The following ZNF274 variants were observed in gnomAD, a reference collection of about 807,000 sequenced individuals.
ZNF274 encodes the protein neurotrophin receptor-interacting factor homolog.
ZNF274 carries 23 observed loss-of-function variants against 42.5 expected under a neutral mutation model. The ratio of observed to expected loss-of-function variants is 0.54; its 90% CI spans 0.39 to 0.77. The LOEUF is 0.77. Among genes scored for constraint, ZNF274 ranks in the 30% least tolerant of loss-of-function variants. The pLI is 0.00. For missense variants in ZNF274, 679 were observed against 806.5 expected, an observed-to-expected ratio of 0.84 and a Z score of 1.91; for synonymous variants, 292 against 305.4, an observed-to-expected ratio of 0.96 and a Z score of 0.46.
At chr19:58,188,714 A>ATATATATG (rs1555816935) in intron 4 of ZNF274, among the ~76,000 whole-genome samples, 2,175 of 127,540 alleles carry the variant, frequency 0.017, 52 homozygotes, top group Middle Eastern at 0.033. Context: ...ATATATATAT[A>ATATATATG]TATATATATA....
intron 4 of ZNF274, among the ~76,000 whole-genome samples, chr19:58,193,776 A>G (rs542038275): frequency 1.3e-5 from 2 of 152,134 alleles, no homozygotes; most frequent in South Asian, 4.2e-4. Context: ...AATAAAAATA[A>G]TAAGCCAGAT....
chr19:58,187,069 A>T lies in ZNF274; in HGVS notation c.256+27A>T, dbSNP rs1429382799. The T allele has an allele frequency of 2.5e-6, 4 of 1,586,434 alleles. No individual in the cohort carries two copies. In the Admixed American group the frequency reaches 7.0e-5, roughly 28 times the overall value. On this transcript the variant is annotated intron_variant, in intron 4 of 7. Coordinates refer to ENST00000617501, the MANE Select transcript of ZNF274 (RefSeq NM_133502.3). ...TGAGAACCAGACATGGGAAGCCCCC[A>T]CAGGGAAGGGGCCAACTGATGAGTC...
At chr19:58,190,817 T>C (rs1034717283) in intron 4 of ZNF274, among the ~76,000 whole-genome samples, 24 of 152,226 alleles carry the variant, frequency 1.6e-4, no homozygotes, top group African/African-American at 5.8e-4. Context: ...GCATCAGAAC[T>C]GCCCACTTCT....
intron 4 of ZNF274, among the ~76,000 whole-genome samples, chr19:58,198,014 A>G (rs2075863782): frequency 6.6e-6 from 1 of 152,222 alleles, no homozygotes; most frequent in Non-Finnish European, 1.5e-5. Context: ...TTAAGTAGTA[A>G]TTAAGAAGGA....
intron 2 of ZNF274, 86 bp from the exon 3 acceptor site, chr19:58,185,626 C>G (rs1231287720): frequency 1.5e-6 from 2 of 1,340,482 alleles, no homozygotes; most frequent in Non-Finnish European, 1.9e-6. Context: ...CCATTCTGTG[C>G]TTTCACTGGC....
intron 4 of ZNF274, among the ~76,000 whole-genome samples, chr19:58,198,799 A>C (rs1353165479): frequency 6.8e-6 from 1 of 146,662 alleles, no homozygotes; most frequent in East Asian, 2.0e-4. Flanking sequence ...TATTAAAATT[A>C]ACTTTGACTT....
At chr19:58,189,093 T>C (rs113405532) in intron 4 of ZNF274, among the ~76,000 whole-genome samples, 2,233 of 152,220 alleles carry the variant, frequency 0.015, 36 homozygotes, top group Non-Finnish European at 0.022. Context: ...CCTGTTTGTA[T>C]TTTTTCTTTT....
In ZNF274 at chr19:58,212,288, T is replaced by C. The variant is rs1403102580; in HGVS notation, c.1107T>C (p.Asp369=). The C allele has an allele frequency of 4.3e-6, 7 of 1,613,998 alleles. No homozygotes were observed. Among genetic ancestry groups the C allele is most frequent in the Non-Finnish European group, 5.9e-6 (7 of 1,179,892 alleles). ...GTGCCTTGTCCTCTACATTAGAAGA[T>C]ACCTTGCAGGGTGGGGTCCAGGAAG... ...RDCALSSTLE[D]TLQGGVQEVQ... The change falls in exon 8 of 8, where the codon GAT becomes GAC. Residue 369 remains aspartate, a synonymous_variant. Transcript: ENST00000617501. The surrounding 1 kb of genome is among the most constrained non-coding windows in gnomAD (Gnocchi z 4.6).
At chr19:58,188,620 A>ATATATATAT (rs1555816812) in intron 4 of ZNF274, among the ~76,000 whole-genome samples, 4 of 70,356 alleles carry the variant, frequency 5.7e-5, no homozygotes, top group African/African-American at 9.7e-5. Context: ...AAAAAAAAAA[A>ATATATATAT]ATATATATAT....
chr19:58,199,268 A>G (rs913286373), intron 4 of ZNF274, among the ~76,000 whole-genome samples: 1 of 151,934 alleles, frequency 6.6e-6, no homozygotes, highest in Non-Finnish European at 1.5e-5. Context: ...TAGGAGGTTG[A>G]GACAGGAGAA....
In ZNF274 at chr19:58,188,694, GTATATA is replaced by G. The variant is rs71925177; in HGVS notation, c.256+1677_256+1682del. 1.5e-3 allele frequency among the ~76,000 whole-genome samples: 114 copies of G among 74,654 alleles called. 1 individual carries two copies. Among genetic ancestry groups the G allele is most frequent in the Admixed American group, 4.7e-3 (27 of 5,718 alleles). 49.0% of individuals were successfully genotyped at this position (74,654 alleles called of 152,430 possible). A position where few individuals can be genotyped will look rare whatever the true frequency, so the allele number is the denominator to read the frequency against. ...TGTGTGTGTATATATATATGTATAT[GTATATA>G]TATATATATATATATATATATATAA... On this transcript the variant is annotated intron_variant, in intron 4 of 7. Coordinates refer to ENST00000617501, the MANE Select transcript of ZNF274 (RefSeq NM_133502.3).
In ZNF274 at chr19:58,212,664, A is replaced by T. The variant is rs748117786; in HGVS notation, c.1483A>T (p.Ile495Phe). Reference protein sequence around the residue: ...RKTFSRSTKQITFIRIHKGSQ... With the variant: ...RKTFSRSTKQFTFIRIHKGSQ... ...AACCTTCAGTCGGAGTACTAAACAGATTACGTTTATAAGAATTCACAAGGG... is the reference window on the plus strand; with the variant it reads ...AACCTTCAGTCGGAGTACTAAACAGTTTACGTTTATAAGAATTCACAAGGG... The change falls in exon 8 of 8, where the codon ATT (isoleucine) becomes TTT (phenylalanine). Residue 495 changes from isoleucine (I) to phenylalanine (F), a missense_variant. This residue lies in a region of ZNF274 where 456 missense variants were observed against 590.1 expected (regional missense o/e 0.77). Coordinates refer to ENST00000617501, the MANE Select transcript of ZNF274 (RefSeq NM_133502.3). This position sits in a 1 kb window ranked among gnomAD's most constrained non-coding sequence, Gnocchi z 4.6. The T allele has an allele frequency of 6.2e-7, 1 of 1,614,074 alleles. No homozygotes were observed. The highest frequency in any genetic ancestry group is 1.1e-5 in the South Asian group (1 of 91,092).
chr19:58,211,485 G>C lies in ZNF274; in HGVS notation c.853-75G>C. 6.6e-7 allele frequency: 1 copy of C among 1,524,280 alleles called. No individual in the cohort carries two copies. Among genetic ancestry groups the C allele is most frequent in the Non-Finnish European group, 8.8e-7 (1 of 1,129,966 alleles). 94.4% of individuals were successfully genotyped at this position (1,524,280 alleles called of 1,614,324 possible). On this transcript the variant is annotated intron_variant, in intron 6 of 7. Transcript: ENST00000617501. The surrounding 1 kb of genome is among the most constrained non-coding windows in gnomAD (Gnocchi z 4.8). Reference sequence around the variant, plus strand: ...CCGTGAGCTCTGTCAGAACCTCCCAGCTGGCCTTTCTTCTGCCCTCATTGA... The same window carrying C: ...CCGTGAGCTCTGTCAGAACCTCCCACCTGGCCTTTCTTCTGCCCTCATTGA...
Position 58,183,142 on chromosome 19 carries a change from G to A in ZNF274, c.-346G>A, listed in dbSNP as rs1353418939. On this transcript the variant is annotated 5_prime_UTR_variant, in exon 1 of 8. In the 5' UTR this introduces an upstream ATG that the reference lacks. Transcript: ENST00000617501. ...CTCTGCCCCAAGAGTGGTCGCCTTC[G>A]TGGCAGGGCACGACTCTCTCCCAGC... 1 of 152,392 alleles carries A rather than the reference G, an allele frequency of 6.6e-6. No homozygotes were observed. Among genetic ancestry groups the A allele is most frequent in the Non-Finnish European group, 1.5e-5 (1 of 68,218 alleles). The allele number at this position is 152,392 out of a possible 1,614,324, so 9.4% of individuals were successfully genotyped here.
In ZNF274 at chr19:58,206,742, C is replaced by T; in HGVS notation, c.279C>T (p.Asp93=). 1 of 1,594,748 alleles carries T rather than the reference C, an allele frequency of 6.3e-7. No individual in the cohort carries two copies. Among genetic ancestry groups the T allele is most frequent in the Non-Finnish European group, 8.5e-7 (1 of 1,170,798 alleles). Residue 93 remains aspartate, a synonymous_variant, in exon 5 of 8, where the codon GAC becomes GAT. Coordinates refer to ENST00000617501, the MANE Select transcript of ZNF274 (RefSeq NM_133502.3). ...CAGAGTATCCTGAGCTCCAGCTGGA[C>T]CCTAAATTGGATCCTCTTCCTGCTG... ...TIPEYPELQL[D]PKLDPLPAES... is the part of the protein sequence containing the mutation.
At chr19:58,183,620 G>A (rs1273956822) in intron 1 of ZNF274, 178 bp downstream of exon 1, 7 of 231,676 alleles carry the variant, frequency 3.0e-5, no homozygotes, top group Admixed American at 5.2e-5. Flanking sequence ...AACCCCGAGG[G>A]GAGACAGTGC....
chr19:58,183,642 C>T (rs1304856072), intron 1 of ZNF274, 200 bp downstream of exon 1: 2 of 251,646 alleles, frequency 7.9e-6, no homozygotes, highest in Non-Finnish European at 1.5e-5. Flanking sequence ...TTCGGGGCGC[C>T]GCGGTGGAGA....
chr19:58,186,964 C>T lies in ZNF274; in HGVS notation c.178C>T (p.Pro60Ser), dbSNP rs2075707517. ...TTGAGCAGAACATCAGCTTTCCAAACCAGATGTGGTATCTCAGTTAGAGGA... is the reference window on the plus strand; with the variant it reads ...TTGAGCAGAACATCAGCTTTCCAAATCAGATGTGGTATCTCAGTTAGAGGA... ...LVSVEHQLSK[P>S]DVVSQLEEAE... The change falls in exon 4 of 8, where the codon CCA becomes TCA. Residue 60 changes from proline to serine, a missense_variant. Physicochemically the swap from Pro to Ser is moderately conservative, Grantham distance 74. Transcript: ENST00000617501. The T allele has an allele frequency of 6.2e-7, 1 of 1,613,576 alleles. No homozygotes were observed. The highest frequency in any genetic ancestry group is 8.5e-7 in the Non-Finnish European group (1 of 1,179,772).
chr19:58,194,877 A>G (rs1308629468), intron 4 of ZNF274, among the ~76,000 whole-genome samples: 2 of 151,862 alleles, frequency 1.3e-5, no homozygotes, highest in Non-Finnish European at 2.9e-5. Context: ...GGCGGGCGCC[A>G]GTAGTCCCAG....
Sources: allele counts gnomAD v4.1 joint callset (sites outside exome capture counted in the v4.1 genomes callset), GRCh38; gene constraint gnomAD v4.1.1; regional missense constraint gnomAD v4.1.1; non-coding constraint Gnocchi (gnomAD v3.1); transcripts MANE v1.5; gene names NCBI Gene and HGNC (gene_info 2026-07-23, HGNC 2026-07-21).